The following HTR2C variants were observed in gnomAD, a reference collection of about 807,000 sequenced individuals.
HTR2C encodes 5-hydroxytryptamine (serotonin) receptor 2C, G protein-coupled.
Under a neutral mutation model 21.0 loss-of-function variants are expected in HTR2C, and 5 were observed. The ratio of observed to expected loss-of-function variants is 0.24; its 90% confidence interval spans 0.12 to 0.50. The LOEUF is 0.50. HTR2C is among the 20% of genes least tolerant of loss of function. The pLI, the probability that HTR2C is intolerant of heterozygous loss-of-function variation, is 0.98. For synonymous variants in HTR2C, 150 were observed against 145.3 expected, an observed-to-expected ratio of 1.03 and a Z score of -0.23; for missense variants, 271 against 371.2, an observed-to-expected ratio of 0.73 and a Z score of 2.22.
At chrX:114,616,317 C>T (rs782484288) in intron 2 of HTR2C, among the ~76,000 whole-genome samples, 62 of 109,115 alleles carry the variant, frequency 5.7e-4, no homozygotes, top group African/African-American at 1.9e-3. Flanking sequence ...GATGAAGTCT[C>T]GCTCTGTTGC....
chrX:114,898,309 T>A (rs1569503109), intron 5 of HTR2C, among the ~76,000 whole-genome samples: 1 of 112,220 alleles, frequency 8.9e-6, no homozygotes. Context: ...ATTAGACCTT[T>A]GTCAGGTTGC....
At chrX:114,629,477 T>G (rs1038587054) in intron 2 of HTR2C, among the ~76,000 whole-genome samples, 2 of 111,878 alleles carry the variant, frequency 1.8e-5, no homozygotes, top group African/African-American at 6.5e-5. Context: ...AACTTCCCCA[T>G]ACAGGGAGGA....
chrX:114,799,840 A>G (rs2070329352), intron 4 of HTR2C, among the ~76,000 whole-genome samples: 1 of 111,384 alleles, frequency 9.0e-6, no homozygotes, highest in South Asian at 3.7e-4. Context: ...ATGTTTATAT[A>G]TATGTACATA....
At chrX:114,601,945 A>G (rs1294681001) in intron 1 of HTR2C, among the ~76,000 whole-genome samples, 1 of 97,593 alleles carries the variant, frequency 1.0e-5, no homozygotes, top group African/African-American at 3.9e-5. Flanking sequence ...TAGAAGAAAC[A>G]TTTGTCGTAT....
intron 4 of HTR2C, among the ~76,000 whole-genome samples, chrX:114,750,395 A>G (rs1196254075): frequency 1.8e-5 from 2 of 111,823 alleles, no homozygotes; most frequent in Admixed American, 9.6e-5. Context: ...AATTAGATAT[A>G]TATCTCTAAT....
chrX:114,729,254 T>G (rs1383983731), intron 3 of HTR2C, among the ~76,000 whole-genome samples: 6 of 112,042 alleles, frequency 5.4e-5, no homozygotes, highest in Non-Finnish European at 1.1e-4. Context: ...AATGCTTTTG[T>G]TTAACTACAA....
intron 1 of HTR2C, chrX:114,589,934 A>G (rs1927564620): frequency 4.0e-6 from 1 of 251,360 alleles, no homozygotes; most frequent in Non-Finnish European, 7.3e-6. Context: ...ATCCATTTCT[A>G]AGTGTCATCT....
At chrX:114,610,700 C>T (rs1051106276) in intron 1 of HTR2C, among the ~76,000 whole-genome samples, 1 of 111,492 alleles carries the variant, frequency 9.0e-6, no homozygotes, top group Non-Finnish European at 1.9e-5. Context: ...GGAAAAAAAT[C>T]AGTCACTGTG....
rs782156254 is a variant in HTR2C at position 114,720,562 on chromosome X, T to C, written c.-79-6296T>C. On this transcript the variant is annotated intron_variant, in intron 2 of 5. Transcript: ENST00000276198. ...TTAAGTTTTAGGGTACATGTGCACA[T>C]TGTGCAGGTTAGTTACATATGTATA... 3.9e-3 allele frequency among the ~76,000 whole-genome samples: 384 copies of C among 99,342 alleles called. 3 individuals are homozygous for C. The highest frequency in any genetic ancestry group is 0.013 in the African/African-American group (354 of 27,503). 86.3% of individuals were successfully genotyped at this position (99,342 alleles called of 115,157 possible). A position where few individuals can be genotyped will look rare whatever the true frequency, so the allele number is the denominator to read the frequency against.
intron 5 of HTR2C, among the ~76,000 whole-genome samples, chrX:114,904,226 T>G (rs1299881610): frequency 1.8e-5 from 2 of 111,667 alleles, no homozygotes; most frequent in Non-Finnish European, 3.8e-5. Flanking sequence ...AAAAAAATTA[T>G]TAAACTTTCT....
rs112840571 is a variant in HTR2C at position 114,774,016 on chromosome X, C to T, written c.349+42409C>T. Among the ~76,000 whole-genome samples, 1,068 of 111,639 alleles carry T rather than the reference C, an allele frequency of 9.6e-3. 18 individuals carry two copies. The highest frequency in any genetic ancestry group is 0.033 in the African/African-American group (1,013 of 30,725). ...AAGTCATTGTTAAATTATTATAACC[C>T]GTGGGTCAAACCACAATCAATATAA... On this transcript the variant is annotated intron_variant, in intron 4 of 5. Coordinates refer to ENST00000276198, the MANE Select transcript of HTR2C (RefSeq NM_000868.4).
At chrX:114,662,111 T>C (rs1452424351) in intron 2 of HTR2C, among the ~76,000 whole-genome samples, 4 of 111,873 alleles carry the variant, frequency 3.6e-5, no homozygotes, top group African/African-American at 1.3e-4. Context: ...GCAGAGTTTT[T>C]CAATATTCGG....
At chrX:114,738,535 G>A (rs911354598) in intron 4 of HTR2C, among the ~76,000 whole-genome samples, 1 of 107,156 alleles carries the variant, frequency 9.3e-6, no homozygotes, top group Non-Finnish European at 1.9e-5. Flanking sequence ...AGTAACACAG[G>A]AACAGAAAAC....
At chrX:114,886,161 T>C (rs1308694484) in intron 5 of HTR2C, among the ~76,000 whole-genome samples, 2 of 111,484 alleles carry the variant, frequency 1.8e-5, no homozygotes, top group African/African-American at 3.3e-5. Flanking sequence ...AATTAGTATA[T>C]CCTCTTTAGC....
At chrX:114,631,733 A>C (rs1160952287) in intron 2 of HTR2C, among the ~76,000 whole-genome samples, 2 of 111,554 alleles carry the variant, frequency 1.8e-5, no homozygotes, top group Non-Finnish European at 3.8e-5. Flanking sequence ...GCTTAGACCT[A>C]GTGCTGATAG....
chrX:114,827,980 A>T (rs1569497641), intron 4 of HTR2C, among the ~76,000 whole-genome samples: 15 of 109,224 alleles, frequency 1.4e-4, no homozygotes, highest in Non-Finnish European at 1.9e-5. Context: ...AAATCTGTAA[A>T]TTTTTTCCCC....
At chrX:114,675,810 T>G (rs1200477842) in intron 2 of HTR2C, among the ~76,000 whole-genome samples, 1 of 111,128 alleles carries the variant, frequency 9.0e-6, no homozygotes, top group Non-Finnish European at 1.9e-5. Flanking sequence ...CCAAAGAACA[T>G]AAAATATTAT....
intron 2 of HTR2C, among the ~76,000 whole-genome samples, chrX:114,626,234 A>C (rs1262317009): frequency 1.9e-5 from 2 of 108,042 alleles, no homozygotes; most frequent in Non-Finnish European, 3.8e-5. Flanking sequence ...AAAAAATAAT[A>C]AAAAATTAGC....
At chrX:114,690,060 A>G (rs1763412819) in intron 2 of HTR2C, among the ~76,000 whole-genome samples, 2 of 111,846 alleles carry the variant, frequency 1.8e-5, no homozygotes, top group South Asian at 7.4e-4. Context: ...AGCATCTCCA[A>G]CTAAAGCATC....
Sources: allele counts gnomAD v4.1 joint callset (sites outside exome capture counted in the v4.1 genomes callset), GRCh38; gene constraint gnomAD v4.1.1; transcripts MANE v1.5; gene names NCBI Gene and HGNC (gene_info 2026-07-23, HGNC 2026-07-21).